The following CYP2C8 variants were observed in gnomAD, a reference collection of about 807,000 sequenced individuals.
CYP2C8 encodes cytochrome P450 2C8.
A neutral mutation model predicts 41.3 loss-of-function variants in CYP2C8; 51 were observed. The ratio of observed to expected loss-of-function variants is 1.24; its 90% CI spans 0.99 to 1.56. The LOEUF (loss-of-function observed/expected upper bound fraction) is 1.56, where lower values mean the gene tolerates loss of function less well. CYP2C8 is among the 40% of genes most tolerant of loss of function. The pLI is 0.00. For missense variants in CYP2C8, 651 were observed against 579.9 expected, an observed-to-expected ratio of 1.12 and a Z score of -1.26; for synonymous variants, 218 against 205.8, an observed-to-expected ratio of 1.06 and a Z score of -0.51.
rs772691200 is a variant in CYP2C8, at chr10:95,069,452, T to G, written c.-50A>C. 5 of 1,452,012 alleles carry G rather than the reference T, an allele frequency of 3.4e-6. No homozygotes were observed. The highest frequency in any genetic ancestry group is 4.8e-6 in the Non-Finnish European group (5 of 1,034,588). The allele number at this position is 1,452,012 out of a possible 1,614,324, so 89.9% of individuals were successfully genotyped here. ...CAGCTGTGAGCTTGCACTCCAAAGT[T>G]TTTATAACACTCCCTGCTAATTTAG... On this transcript the variant is annotated 5_prime_UTR_variant, in exon 1 of 9. Transcript: ENST00000371270.
Position 95,041,787 on chromosome 10 carries a change from C to CAAAA in CYP2C8, c.1149+1099_1149+1102dup, listed in dbSNP as rs60326519. On this transcript the variant is annotated intron_variant, in intron 7 of 8. Transcript: ENST00000371270. Reference sequence around the variant, plus strand: ...TGGGCGACAGAGCGAGACTCCGTCTCAAAAAAAAAAAAAAAAAAAAAAAAA... The same window carrying CAAAA: ...TGGGCGACAGAGCGAGACTCCGTCTCAAAAAAAAAAAAAAAAAAAAAAAAAAAAA... Among the ~76,000 whole-genome samples, 16 of 83,160 alleles carry CAAAA rather than the reference C, an allele frequency of 1.9e-4. No homozygotes were observed. The East Asian group carries it at 2.7e-3, about 14-fold the overall frequency. 54.6% of individuals were successfully genotyped at this position (83,160 alleles called of 152,430 possible). A position where few individuals can be genotyped will look rare whatever the true frequency, so the allele number is the denominator to read the frequency against.
At chr10:95,067,725 G>A in intron 1 of CYP2C8, 34 bp from the exon 2 acceptor site, 21 of 1,606,094 alleles carry the variant, frequency 1.3e-5, no homozygotes, top group Non-Finnish European at 1.7e-5. Context: ...AGCAAAATAA[G>A]TCGCTATTTG....
chr10:95,068,579 C>A, intron 1 of CYP2C8: 1 of 1,288,038 alleles, frequency 7.8e-7, no homozygotes, highest in Non-Finnish European at 1.0e-6. Flanking sequence ...GATGAAATTT[C>A]TAATCACACA....
rs182699710 is a variant in CYP2C8 at position 95,045,859 on chromosome 10, G to T, written c.912C>A (p.Thr304=). Residue 304 remains threonine (T), a synonymous_variant, in exon 6 of 9, where the codon ACC becomes ACA. Transcript: ENST00000371270. The stretch of plus-strand genomic sequence containing the variant: ...GGAGCAGGAGTCCATATCTCAGAGT[G>T]GTGCTTGTTGTCTCTGTTCCAGCAA... ...LFVAGTETTS[T]TLRYGLLLLL... The T allele has an allele frequency of 1.2e-6, 2 of 1,614,014 alleles. No homozygotes were observed. The highest frequency in any genetic ancestry group is 4.5e-5 in the East Asian group (2 of 44,872).
chr10:95,059,886 T>C (rs1204570062), intron 4 of CYP2C8, among the ~76,000 whole-genome samples: 1 of 152,182 alleles, frequency 6.6e-6, no homozygotes, highest in South Asian at 2.1e-4. Context: ...CCCAGCAACA[T>C]TTGTTGAATA....
chr10:95,046,157 C>T (rs1316950600), intron 5 of CYP2C8, among the ~76,000 whole-genome samples: 1 of 152,204 alleles, frequency 6.6e-6, no homozygotes, highest in Non-Finnish European at 1.5e-5. Flanking sequence ...AAGTTCCATT[C>T]ATGAAATCAT....
rs544082436 is a variant in CYP2C8, at chr10:95,039,228, T to C, written c.1150-190A>G. On this transcript the variant is annotated intron_variant, in intron 7 of 8. Coordinates refer to ENST00000371270, the MANE Select transcript of CYP2C8 (RefSeq NM_000770.3). ...TGCTAAAGAGCTTTCCAATCACATT[T>C]GAAGTCTTACATCTTGGATACTTGT... 2.3e-4 allele frequency: 138 copies of C among 603,150 alleles called. No homozygotes were observed. The African/African-American group carries it at 2.3e-3, about 10-fold the overall frequency. 37.4% of individuals were successfully genotyped at this position (603,150 alleles called of 1,614,324 possible).
intron 4 of CYP2C8, among the ~76,000 whole-genome samples, chr10:95,062,286 T>TA (rs779175103): frequency 6.6e-6 from 1 of 152,214 alleles, no homozygotes; most frequent in Non-Finnish European, 1.5e-5. Context: ...AGTCTCTTTA[T>TA]AGGTCTCTAA....
chr10:95,067,507 A>G (rs2033596680), intron 2 of CYP2C8, 22 bp downstream of exon 2: 1 of 1,614,146 alleles, frequency 6.2e-7, no homozygotes, highest in African/African-American at 1.3e-5. Flanking sequence ...ACCAAAGCTG[A>G]CACAGAAATA....
In CYP2C8 at chr10:95,058,319, G is replaced by T; in HGVS notation, c.819+16C>A. The T allele has an allele frequency of 6.2e-7, 1 of 1,612,306 alleles. No individual in the cohort carries two copies. The highest frequency in any genetic ancestry group is 8.5e-7 in the Non-Finnish European group (1 of 1,179,244). ...GGACAAGAAATCAAAATACTGATCT[G>T]TTGCTAATATCTTACCTGCTCCATT... On this transcript the variant is annotated intron_variant, in intron 5 of 8. Coordinates refer to ENST00000371270, the MANE Select transcript of CYP2C8 (RefSeq NM_000770.3).
At chr10:95,050,706 T>C (rs975079907) in intron 5 of CYP2C8, among the ~76,000 whole-genome samples, 4 of 152,210 alleles carry the variant, frequency 2.6e-5, no homozygotes, top group Non-Finnish European at 5.9e-5. Context: ...CACTGCATTA[T>C]TGGGCTTGGA....
At position 95,042,971 on chromosome 10, in the gene CYP2C8, C is replaced by A. The variant is rs747215862; in HGVS notation, c.1068G>T (p.Gln356His). The A allele has an allele frequency of 6.2e-7, 1 of 1,614,086 alleles. No individual in the cohort carries two copies. The highest frequency in any genetic ancestry group is 1.3e-5 in the African/African-American group (1 of 74,936). The change falls in exon 7 of 9, where the codon CAG (glutamine) becomes CAT (histidine). Residue 356 changes from glutamine to histidine, a missense_variant. Coordinates refer to ENST00000371270, the MANE Select transcript of CYP2C8 (RefSeq NM_000770.3). ...PYTDAVVHEI[Q>H]RYSDLVPTGV... ...CGGTGGGGACAAGGTCACTGTATCT[C>A]TGGATCTCGTGCACTACAGCATCAG... is the stretch of plus-strand genomic sequence containing the variant.
intron 1 of CYP2C8, among the ~76,000 whole-genome samples, chr10:95,068,996 G>A (rs1308864206): frequency 1.3e-5 from 2 of 151,670 alleles, no homozygotes; most frequent in South Asian, 4.2e-4. Flanking sequence ...CTGGGAGGCA[G>A]AGCTTGCAGT....
chr10:95,066,378 A>G (rs939924976), intron 3 of CYP2C8, among the ~76,000 whole-genome samples: 6 of 152,172 alleles, frequency 3.9e-5, no homozygotes, highest in African/African-American at 1.4e-4. Flanking sequence ...AATACAGGGG[A>G]AAAAAGATGA....
intron 4 of CYP2C8, among the ~76,000 whole-genome samples, chr10:95,063,474 T>C (rs973867705): frequency 2.4e-4 from 36 of 152,256 alleles, no homozygotes; most frequent in African/African-American, 8.2e-4. Context: ...TCTCCTGCCA[T>C]GGTTTTCAGC....
intron 4 of CYP2C8, among the ~76,000 whole-genome samples, chr10:95,064,267 T>G (rs11572099): frequency 0.012 from 1,886 of 152,284 alleles, 56 homozygotes; most frequent in African/African-American, 0.043. Flanking sequence ...TGAGCTGCAG[T>G]AGGCTCCACC....
At position 95,064,870 on chromosome 10, in the gene CYP2C8, T is replaced by A. The variant is rs1239576080; in HGVS notation, c.572A>T (p.Asp191Val). 1 of 1,613,996 alleles carries A rather than the reference T, an allele frequency of 6.2e-7. No homozygotes were observed. The highest frequency in any genetic ancestry group is 1.7e-5 in the Admixed American group (1 of 60,000). Residue 191 changes from aspartate (D) to valine (V), a missense_variant, in exon 4 of 9, where the codon GAT becomes GTT. Transcript: ENST00000371270. ...TTTCATCAGGGTGAGAAAATTCTGA[T>A]CTTTATAATCAAATCGTTTCTGGAA... Reference protein sequence around the residue: ...VVFQKRFDYKDQNFLTLMKRF... With the variant: ...VVFQKRFDYKVQNFLTLMKRF...
At chr10:95,046,016 T>A in intron 5 of CYP2C8, 65 bp from the exon 6 acceptor site, 1 of 1,571,802 alleles carries the variant, frequency 6.4e-7, no homozygotes, top group Admixed American at 1.7e-5. Flanking sequence ...ACACTAAATT[T>A]TAAAAAACAT....
chr10:95,042,950 GGGGACAA>G lies in CYP2C8; in HGVS notation c.1082_1088del (p.Leu361ProfsTer8). Reference sequence around the variant, plus strand: ...TGGTCACTGCATGGGGCACACCGGTGGGGACAAGGTCACTGTATCTCTGGATCTCGTG... The same window carrying G: ...TGGTCACTGCATGGGGCACACCGGTGGGTCACTGTATCTCTGGATCTCGTG... On this transcript the variant is annotated frameshift_variant, in exon 7 of 9. Coordinates refer to ENST00000371270, the MANE Select transcript of CYP2C8 (RefSeq NM_000770.3). LOFTEE classifies it high-confidence loss of function. 1 of 1,614,102 alleles carries G rather than the reference GGGGACAA, an allele frequency of 6.2e-7. No individual in the cohort carries two copies. The highest frequency in any genetic ancestry group is 8.5e-7 in the Non-Finnish European group (1 of 1,179,964).
Sources: gnomAD v4.1 joint callset for allele counts (sites outside exome capture counted in the v4.1 genomes callset) on GRCh38, gnomAD v4.1.1 for gene constraint, MANE v1.5 for transcripts, NCBI Gene and HGNC (gene_info 2026-07-23, HGNC 2026-07-21) for gene names.